The following CNBP variants were observed in gnomAD, a reference collection of about 807,000 sequenced individuals.
CNBP encodes CCHC-type zinc finger nucleic acid binding protein, also known as cellular nucleic acid-binding protein.
CNBP carries 6 observed loss-of-function variants against 21.2 expected under a neutral mutation model. The ratio of observed to expected loss-of-function variants is 0.28; its 90% confidence interval spans 0.16 to 0.56. The LOEUF is 0.56. Ranked by LOEUF, CNBP falls within the 20% of genes least tolerant of loss-of-function variation. CNBP has a pLI of 0.93. For synonymous variants in CNBP, 61 were observed against 74.9 expected, an observed-to-expected ratio of 0.81 and a Z score of 0.96; for missense variants, 112 against 233.1, an observed-to-expected ratio of 0.48 and a Z score of 3.38.
chr3:129,183,203 C>T (rs912004151), intron 1 of CNBP, among the ~76,000 whole-genome samples: 3 of 152,194 alleles, frequency 2.0e-5, no homozygotes, highest in African/African-American at 7.2e-5. Context: ...CCGCCTGGGA[C>T]TCTCAAAGTG....
intron 1 of CNBP, among the ~76,000 whole-genome samples, chr3:129,178,154 G>A (rs1201317712): frequency 5.8e-5 from 4 of 68,572 alleles, no homozygotes; most frequent in Non-Finnish European, 9.3e-5. Context: ...GCAAGACTCT[G>A]TCTCAAAAAA....
intron 1 of CNBP, among the ~76,000 whole-genome samples, chr3:129,172,699 C>CAG (rs1225327533): frequency 8.4e-4 from 107 of 128,014 alleles, no homozygotes; most frequent in Non-Finnish European, 1.1e-3. Flanking sequence ...CAGACAGACA[C>CAG]ACACACACAC....
At chr3:129,174,471 G>A (rs1054865315) in intron 1 of CNBP, among the ~76,000 whole-genome samples, 1 of 149,840 alleles carries the variant, frequency 6.7e-6, no homozygotes, top group Non-Finnish European at 1.5e-5. Flanking sequence ...TTCGAGACCA[G>A]CCTCACCAAG....
At chr3:129,172,391 G>A (rs1182436280) in intron 1 of CNBP, among the ~76,000 whole-genome samples, 1 of 151,758 alleles carries the variant, frequency 6.6e-6, no homozygotes, top group Non-Finnish European at 1.5e-5. Flanking sequence ...AGACCAGTCT[G>A]GCCAACATGG....
intron 1 of CNBP, among the ~76,000 whole-genome samples, chr3:129,178,699 TG>T (rs1306779440): frequency 5.9e-5 from 9 of 152,196 alleles, no homozygotes; most frequent in Non-Finnish European, 1.3e-4. Context: ...CACATTATTA[TG>T]CTCCGTTAAG....
chr3:129,181,685 GATTTGGTTCAAA>G (rs1209344430), intron 1 of CNBP, among the ~76,000 whole-genome samples: 1 of 118,050 alleles, frequency 8.5e-6, no homozygotes, highest in African/African-American at 3.2e-5. Flanking sequence ...GTCTTCCACT[GATTTGGTTCAAA>G]ATATTTTACA....
At chr3:129,171,028 TG>T (rs1937558334) in intron 4 of CNBP, 50 bp downstream of exon 4, 8 of 1,554,080 alleles carry the variant, frequency 5.1e-6, no homozygotes, top group Non-Finnish European at 7.0e-6. Context: ...AATTCATCTC[TG>T]GAAGAATCTC....
chr3:129,174,885 G>C (rs555558397), intron 1 of CNBP, among the ~76,000 whole-genome samples: 1 of 151,706 alleles, frequency 6.6e-6, no homozygotes, highest in Admixed American at 6.6e-5. Context: ...ATTTAAACAA[G>C]ATACATCTCT....
In CNBP at chr3:129,170,271, C is replaced by T; in HGVS notation, c.*182G>A. ...ACACCTCTACCAAACTAAACATAAACTTTTTTTGTAGTTAAATGCAGAAAG... is the reference window on the plus strand; with the variant it reads ...ACACCTCTACCAAACTAAACATAAATTTTTTTTGTAGTTAAATGCAGAAAG... On this transcript the variant is annotated 3_prime_UTR_variant, in exon 5 of 5. Transcript: ENST00000422453. 3.3e-6 allele frequency: 2 copies of T among 602,944 alleles called. No homozygotes were observed. The highest frequency in any genetic ancestry group is 1.9e-5 in the African/African-American group (1 of 54,008). The allele number at this position is 602,944 out of a possible 1,614,324, so 37.3% of individuals were successfully genotyped here. A position where few individuals can be genotyped will look rare whatever the true frequency, so the allele number is the denominator to read the frequency against.
In CNBP at chr3:129,170,510, G is replaced by C; in HGVS notation, c.477C>G (p.Tyr159Ter). 1.2e-6 allele frequency: 2 copies of C among 1,614,194 alleles called. No homozygotes were observed. The highest frequency in any genetic ancestry group is 1.7e-6 in the Non-Finnish European group (2 of 1,180,032). ...CAAGGTGCCCTGACTCGCCACAGCG[G>C]TAACAGTTGACTTCACTTGTCTTGC... ...NCSKTSEVNCYRCGESGHLAR... is the reference protein window; with the variant it reads ...NCSKTSEVNC The change falls in exon 5 of 5, where the codon TAC becomes TAG. Residue 159 changes from tyrosine (Y) to a stop codon, truncating the protein, a stop_gained. Transcript: ENST00000422453. LOFTEE classifies it high-confidence loss of function.
Position 129,170,333 on chromosome 3 carries a change from C to T in CNBP, c.*120G>A. On this transcript the variant is annotated 3_prime_UTR_variant, in exon 5 of 5. Transcript: ENST00000422453. The stretch of plus-strand genomic sequence containing the variant: ...CCACCCCTTTCCTCCTTTTACACGG[C>T]AAGTAAAGCTCACTGGCCTGGGAGT... 2.5e-6 allele frequency: 2 copies of T among 798,800 alleles called. No individual in the cohort carries two copies. Among genetic ancestry groups the T allele is most frequent in the Non-Finnish European group, 4.2e-6 (2 of 472,580 alleles). 49.5% of individuals were successfully genotyped at this position (798,800 alleles called of 1,614,324 possible).
In CNBP at chr3:129,171,120, G is replaced by A. The variant is rs749542553; in HGVS notation, c.375C>T (p.Phe125=). The change falls in exon 4 of 5, where the codon TTC becomes TTT. Residue 125 remains phenylalanine (F), a synonymous_variant. Transcript: ENST00000422453. ...DEQKCYSCGE[F]GHIQKDCTKV... ...TGGTGCAGTCTTTTTGAATGTGTCC[G>A]AATTCTCCACAAGAATAGCATTTCT... 16 of 1,613,954 alleles carry A rather than the reference G, an allele frequency of 9.9e-6. No individual in the cohort carries two copies. Among genetic ancestry groups the A allele is most frequent in the Admixed American group, 8.3e-5 (5 of 59,990 alleles).
chr3:129,172,138 T>C (rs1190815873), intron 1 of CNBP, among the ~76,000 whole-genome samples: 1 of 152,048 alleles, frequency 6.6e-6, no homozygotes, highest in Non-Finnish European at 1.5e-5. Context: ...GCCACTGTAC[T>C]CCAGCCTGGG....
At chr3:129,177,023 G>C (rs1937949634) in intron 1 of CNBP, among the ~76,000 whole-genome samples, 1 of 152,270 alleles carries the variant, frequency 6.6e-6, no homozygotes, top group South Asian at 2.1e-4. Context: ...AAAAAAGCCA[G>C]CAACCAGGCC....
rs1937534976 is a variant in CNBP, at chr3:129,169,715, A to G, written c.*738T>C. On this transcript the variant is annotated 3_prime_UTR_variant, in exon 5 of 5. Transcript: ENST00000422453. Reference sequence around the variant, plus strand: ...CAGTTGTCTAAGTGATATAGTATACAAAAATAACATCTTGATTTCTGTGAA... The same window carrying G: ...CAGTTGTCTAAGTGATATAGTATACGAAAATAACATCTTGATTTCTGTGAA... 4.6e-6 allele frequency: 1 copy of G among 216,032 alleles called. No homozygotes were observed. Among genetic ancestry groups the G allele is most frequent in the Non-Finnish European group, 9.3e-6 (1 of 106,976 alleles). 13.4% of individuals were successfully genotyped at this position (216,032 alleles called of 1,614,324 possible). A position where few individuals can be genotyped will look rare whatever the true frequency, so the allele number is the denominator to read the frequency against.
chr3:129,168,306 C>G lies in CNBP; in HGVS notation c.*2147G>C, dbSNP rs1461895855. On this transcript the variant is annotated 3_prime_UTR_variant, in exon 5 of 5. Coordinates refer to ENST00000422453, the MANE Select transcript of CNBP (RefSeq NM_003418.5). ...GTCCATCTCAACTCTAAATGAGACACTAGCAAAAACAAGGAATCCACCACT... is the reference window on the plus strand; with the variant it reads ...GTCCATCTCAACTCTAAATGAGACAGTAGCAAAAACAAGGAATCCACCACT... 6.6e-6 allele frequency among the ~76,000 whole-genome samples: 1 copy of G among 151,934 alleles called. No homozygotes were observed. Among genetic ancestry groups the G allele is most frequent in the African/African-American group, 2.4e-5 (1 of 41,362 alleles).
intron 1 of CNBP, among the ~76,000 whole-genome samples, chr3:129,182,111 T>C (rs545299742): frequency 6.6e-6 from 1 of 152,312 alleles, no homozygotes; most frequent in South Asian, 2.1e-4. Flanking sequence ...ACTCCAGTTA[T>C]ACTGCTTGAA....
chr3:129,168,577 T>C lies in CNBP; in HGVS notation c.*1876A>G, dbSNP rs1233035925. 2.6e-5 allele frequency among the ~76,000 whole-genome samples: 3 copies of C among 115,238 alleles called. No homozygotes were observed. The highest frequency in any genetic ancestry group is 4.9e-5 in the Non-Finnish European group (3 of 60,948). 75.6% of individuals were successfully genotyped at this position (115,238 alleles called of 152,430 possible). A position where few individuals can be genotyped will look rare whatever the true frequency, so the allele number is the denominator to read the frequency against. On this transcript the variant is annotated 3_prime_UTR_variant, in exon 5 of 5. Transcript: ENST00000422453. The stretch of plus-strand genomic sequence containing the variant: ...GAGCTGAGATTGCACCATTGCACTC[T>C]AGCCTGGGCAACAGAGCGAGACTGT...
chr3:129,183,582 T>A lies in CNBP; in HGVS notation c.-15+194A>T, dbSNP rs182710151. On this transcript the variant is annotated intron_variant, in intron 1 of 4. Coordinates refer to ENST00000422453, the MANE Select transcript of CNBP (RefSeq NM_003418.5). ...CCAGGACGAAGAAAGGACAGAAGTG[T>A]CGTCCGACAGCGGTGCGCCAGAAAC... Among the ~76,000 whole-genome samples the A allele has an allele frequency of 1.3e-4, 20 of 152,296 alleles. No homozygotes were observed. The East Asian group carries it at 2.9e-3, about 22-fold the overall frequency.
Sources: allele counts gnomAD v4.1 joint callset (sites outside exome capture counted in the v4.1 genomes callset), GRCh38; gene constraint gnomAD v4.1.1; transcripts MANE v1.5; gene names NCBI Gene and HGNC (gene_info 2026-07-23, HGNC 2026-07-21).